The following PKP2 variants were observed in gnomAD, a reference collection of about 807,000 sequenced individuals.
PKP2 encodes the protein plakophilin-2.
PKP2 carries 73 observed loss-of-function variants against 83.4 expected under a neutral mutation model. That is an observed-to-expected ratio of 0.88 (90% confidence interval 0.72 to 1.06). PKP2 has a LOEUF of 1.06. PKP2 is among the 50% of genes least tolerant of loss of function. PKP2 has a pLI of 0.00. For missense variants in PKP2, 966 were observed against 1,065.4 expected, an observed-to-expected ratio of 0.91 and a Z score of 1.30; for synonymous variants, 409 against 430.4, an observed-to-expected ratio of 0.95 and a Z score of 0.62.
intron 5 of PKP2, 25 bp from the exon 6 acceptor site, chr12:32,841,230 A>C (rs747059333): frequency 1.3e-6 from 2 of 1,599,482 alleles, no homozygotes; most frequent in Non-Finnish European, 1.7e-6. Context: ...AGTTACCATG[A>C]AAACAGTGCA....
chr12:32,878,021 T>C lies in PKP2; in HGVS notation c.859A>G (p.Arg287Gly), dbSNP rs781296737. 6.2e-7 allele frequency: 1 copy of C among 1,613,966 alleles called. No individual in the cohort carries two copies. The highest frequency in any genetic ancestry group is 8.5e-7 in the Non-Finnish European group (1 of 1,180,030). ...LQPVTQNRAS[R>G]SSWHQSSFHS... ...AAGGAGCTCTGATGCCAGGAGGACC[T>C]GGAAGCCCTGTTCTGAGTGACGGGC... The change falls in exon 3 of 13, where the codon AGG (arginine) becomes GGG (glycine). Residue 287 changes from arginine to glycine, a missense_variant. Arg to Gly is a moderately radical substitution (Grantham distance 125, BLOSUM62 -2). Coordinates refer to ENST00000340811, the MANE Select transcript of PKP2 (RefSeq NM_001005242.3).
At chr12:32,816,741 C>G (rs569927154) in intron 9 of PKP2, among the ~76,000 whole-genome samples, 5 of 152,250 alleles carry the variant, frequency 3.3e-5, no homozygotes, top group African/African-American at 1.2e-4. Flanking sequence ...CAAAGCCTCA[C>G]CAGCATCTGT....
At chr12:32,834,758 A>G (rs987431439) in intron 6 of PKP2, among the ~76,000 whole-genome samples, 2 of 152,190 alleles carry the variant, frequency 1.3e-5, no homozygotes, top group Admixed American at 1.3e-4. Flanking sequence ...AGCTATAAGA[A>G]TAATATGCAG....
In PKP2 at chr12:32,878,998, A is replaced by G; in HGVS notation, c.258T>C (p.Tyr86=). Residue 86 remains tyrosine, a synonymous_variant, in exon 2 of 13, where the codon TAT becomes TAC. Coordinates refer to ENST00000340811, the MANE Select transcript of PKP2 (RefSeq NM_001005242.3). ...NLHRTSSVPE[Y]VYNLHLVEND... ...TTTCAACCAAGTGTAGGTTGTAGAC[A>G]TACTCAGGAACACTGCTGGTTCGGT... is the stretch of plus-strand genomic sequence containing the variant. The G allele has an allele frequency of 6.2e-7, 1 of 1,604,308 alleles. No individual in the cohort carries two copies. The highest frequency in any genetic ancestry group is 1.1e-5 in the South Asian group (1 of 90,882).
At position 32,851,036 on chromosome 12, in the gene PKP2, G is replaced by C. The variant is rs779228205; in HGVS notation, c.1171-63C>G. 7.6e-5 allele frequency: 102 copies of C among 1,337,118 alleles called. 1 individual carries two copies. The highest frequency in any genetic ancestry group is 1.3e-5 in the Non-Finnish European group (12 of 938,806). 82.8% of individuals were successfully genotyped at this position (1,337,118 alleles called of 1,614,324 possible). Reference sequence around the variant, plus strand: ...TTGATGTGGCATCAAGGCATTCAATGTAATACAAACAGATGAAGTTTACTG... The same window carrying C: ...TTGATGTGGCATCAAGGCATTCAATCTAATACAAACAGATGAAGTTTACTG... On this transcript the variant is annotated intron_variant, in intron 4 of 12. Coordinates refer to ENST00000340811, the MANE Select transcript of PKP2 (RefSeq NM_001005242.3).
At chr12:32,815,829 TG>T (rs1353828136) in intron 9 of PKP2, among the ~76,000 whole-genome samples, 1 of 152,200 alleles carries the variant, frequency 6.6e-6, no homozygotes, top group African/African-American at 2.4e-5. Context: ...GGGGACAGCA[TG>T]GCAAAATTTC....
chr12:32,891,793 T>A (rs1338193310), intron 1 of PKP2, among the ~76,000 whole-genome samples: 1 of 152,238 alleles, frequency 6.6e-6, no homozygotes, highest in Non-Finnish European at 1.5e-5. Context: ...TTCCACGGAT[T>A]CTGAAGCATC....
chr12:32,824,062 A>T lies in PKP2; in HGVS notation c.1657T>A (p.Tyr553Asn). ...TGAATTACCTTGTCATCTGGCTGGT[A>T]ATCTGCAATGGTTCCTCTGACATAA... ...VHYVRGTIADYQPDDKATENC... is the reference protein window; with the variant it reads ...VHYVRGTIADNQPDDKATENC... Residue 553 changes from tyrosine (Y) to asparagine (N), a missense_variant, in exon 7 of 13, where the codon TAC becomes AAC. Tyr to Asn is a moderately radical substitution (Grantham distance 143, BLOSUM62 -2). Transcript: ENST00000340811. 1.3e-6 allele frequency: 2 copies of T among 1,588,044 alleles called. No individual in the cohort carries two copies. The highest frequency in any genetic ancestry group is 1.7e-6 in the Non-Finnish European group (2 of 1,156,572).
chr12:32,860,987 C>T (rs1158760203), intron 4 of PKP2, among the ~76,000 whole-genome samples: 1 of 152,070 alleles, frequency 6.6e-6, no homozygotes, highest in Non-Finnish European at 1.5e-5. Context: ...GAGATTGTAC[C>T]ACTGCACTCC....
intron 4 of PKP2, among the ~76,000 whole-genome samples, chr12:32,861,473 T>C (rs1404169190): frequency 3.9e-5 from 6 of 152,224 alleles, no homozygotes; most frequent in Admixed American, 3.9e-4. Context: ...AACACATTAA[T>C]GTATTAATGG....
intron 5 of PKP2, among the ~76,000 whole-genome samples, chr12:32,846,111 CCTGA>C (rs367546632): frequency 2.6e-4 from 40 of 152,024 alleles, no homozygotes; most frequent in African/African-American, 8.4e-4. Flanking sequence ...TGACAATTAC[CCTGA>C]CTCTTTCATA....
chr12:32,863,754 G>A (rs1177198553), intron 4 of PKP2, among the ~76,000 whole-genome samples: 1 of 152,116 alleles, frequency 6.6e-6, no homozygotes, highest in Non-Finnish European at 1.5e-5. Flanking sequence ...ATTTAAGGAA[G>A]AAATAATACC....
chr12:32,831,123 T>C (rs1037465043), intron 6 of PKP2, among the ~76,000 whole-genome samples: 3 of 152,296 alleles, frequency 2.0e-5, no homozygotes, highest in African/African-American at 4.8e-5. Context: ...CTAAGAGCTA[T>C]TGCAACTTGA....
rs111744961 is a variant in PKP2 at position 32,823,714 on chromosome 12, C to T, written c.1674+331G>A. Among the ~76,000 whole-genome samples the T allele has an allele frequency of 0.062, 9,486 of 151,786 alleles. 997 individuals are homozygous for T. The highest frequency in any genetic ancestry group is 0.22 in the African/African-American group (9,044 of 41,304). On this transcript the variant is annotated intron_variant, in intron 7 of 12. Transcript: ENST00000340811. ...CTCTGGGGTTCATGCCATTCTCCTG[C>T]CTCAGCCTCCTGAGTAGCTGGAACT...
At chr12:32,848,987 TGTCAAC>T in intron 5 of PKP2, among the ~76,000 whole-genome samples, 1 of 148,514 alleles carries the variant, frequency 6.7e-6, no homozygotes, top group Non-Finnish European at 1.5e-5. Flanking sequence ...ACCAGAACAC[TGTCAAC>T]TATTACACAG....
At position 32,821,491 on chromosome 12, in the gene PKP2, G is replaced by A. The variant is rs769943903; in HGVS notation, c.1878C>T (p.Asn626=). ...GCCACAGCCACTCCACGCCCTTGGGGTTGCTCTTTTCCTCCGGCATCGGCA... is the reference window on the plus strand; with the variant it reads ...GCCACAGCCACTCCACGCCCTTGGGATTGCTCTTTTCCTCCGGCATCGGCA... ...QDVPMPEEKS[N]PKGVEWLWHS... The change falls in exon 9 of 13, where the codon AAC becomes AAT. Residue 626 remains asparagine, a synonymous_variant. Transcript: ENST00000340811. 9.9e-6 allele frequency: 16 copies of A among 1,613,858 alleles called. No homozygotes were observed. In the East Asian group the frequency reaches 2.7e-4, roughly 27 times the overall value.
chr12:32,872,351 G>A (rs1179902288), intron 3 of PKP2, among the ~76,000 whole-genome samples: 1 of 151,980 alleles, frequency 6.6e-6, no homozygotes, highest in Non-Finnish European at 1.5e-5. Context: ...TGGCCAACAT[G>A]GTGAAACCCC....
intron 9 of PKP2, among the ~76,000 whole-genome samples, chr12:32,815,524 A>C (rs1378931918): frequency 1.3e-5 from 2 of 152,242 alleles, no homozygotes; most frequent in Non-Finnish European, 2.9e-5. Context: ...TTGTACAAAT[A>C]ATATGCTATC....
intron 6 of PKP2, among the ~76,000 whole-genome samples, chr12:32,839,046 A>G (rs1956566205): frequency 6.6e-6 from 1 of 152,214 alleles, no homozygotes; most frequent in Non-Finnish European, 1.5e-5. Context: ...AAGTACTATG[A>G]CATCTAAGGA....
Sources: gnomAD v4.1 joint callset for allele counts (sites outside exome capture counted in the v4.1 genomes callset) on GRCh38, gnomAD v4.1.1 for gene constraint, MANE v1.5 for transcripts, NCBI Gene and HGNC (gene_info 2026-07-23, HGNC 2026-07-21) for gene names.